The following PARD3B variants were observed in gnomAD, a reference collection of about 807,000 sequenced individuals.
The protein encoded by PARD3B is par-3 family cell polarity regulator beta, also known as partitioning defective 3 homolog B.
Under a neutral mutation model 130.2 loss-of-function variants are expected in PARD3B, and 103 were observed. The observed-to-expected ratio is 0.79, with a 90% CI of 0.67 to 0.93. The LOEUF (loss-of-function observed/expected upper bound fraction) is 0.93. Ranked by LOEUF, PARD3B falls within the 40% of genes least tolerant of loss-of-function variation. PARD3B has a pLI of 0.00. For missense variants in PARD3B, 1,609 were observed against 1,499.2 expected (o/e 1.07, Z -1.21); for synonymous variants, 583 against 553.2 (o/e 1.05, Z -0.76).
At position 205,301,686 on chromosome 2, in the gene PARD3B, T is replaced by A. The variant is rs752847803; in HGVS notation, c.2615T>A (p.Phe872Tyr). 1.9e-6 allele frequency: 3 copies of A among 1,614,046 alleles called. No individual in the cohort carries two copies. In the East Asian group the frequency reaches 6.7e-5, roughly 36 times the overall value. Residue 872 changes from phenylalanine (F) to tyrosine (Y), a missense_variant, in exon 18 of 23, where the codon TTC (phenylalanine) becomes TAC (tyrosine). Physicochemically the swap from Phe to Tyr is conservative, Grantham distance 22. Transcript: ENST00000406610. The surrounding 1 kb of genome is among the most constrained non-coding windows in gnomAD (Gnocchi z 5.2). The stretch of plus-strand genomic sequence containing the variant: ...GAAAGGAAAATAAAGAAGAAGGGCT[T>A]CGGCGCCATGCTGAGGTATGGGCCT... The part of the protein sequence containing the change: ...DPERKIKKKG[F>Y]GAMLRFGKKK...
chr2:205,565,706 T>A (rs1211054946), intron 22 of PARD3B, among the ~76,000 whole-genome samples: 3 of 152,164 alleles, frequency 2.0e-5, no homozygotes, highest in Non-Finnish European at 4.4e-5. Flanking sequence ...ACAGATGAGC[T>A]AGGAAAGTCA....
At chr2:205,303,813 C>A (rs1353291846) in intron 18 of PARD3B, among the ~76,000 whole-genome samples, 2 of 152,166 alleles carry the variant, frequency 1.3e-5, no homozygotes, top group Admixed American at 6.5e-5. Context: ...CAATTACCTC[C>A]AAATTCCCTA....
At position 205,401,032 on chromosome 2, in the gene PARD3B, G is replaced by A. The variant is rs1401603584; in HGVS notation, c.2650G>A (p.Asp884Asn). 1 of 1,600,052 alleles carries A rather than the reference G, an allele frequency of 6.2e-7. No individual in the cohort carries two copies. The change falls in exon 19 of 23, where the codon GAT becomes AAT. Residue 884 changes from aspartate to asparagine, a missense_variant. By Grantham distance (23) the Asp-to-Asn change is conservative. Coordinates refer to ENST00000406610, the MANE Select transcript of PARD3B (RefSeq NM_001302769.2). ...CACTAGATTTGGAAAGAAGAAAGAGGATAAGGGTGGAAAGGCTGAGCAGAA... is the reference window on the plus strand; with the variant it reads ...CACTAGATTTGGAAAGAAGAAAGAGAATAAGGGTGGAAAGGCTGAGCAGAA... ...AMLRFGKKKE[D>N]KGGKAEQKGT... is the part of the protein sequence containing the mutation.
chr2:204,820,305 G>A (rs1049477568), intron 2 of PARD3B, among the ~76,000 whole-genome samples: 1 of 151,294 alleles, frequency 6.6e-6, no homozygotes, highest in Non-Finnish European at 1.5e-5. Context: ...TTGAACTCCC[G>A]ACCTTAAGTG....
chr2:204,838,530 T>C (rs2044143154), intron 2 of PARD3B, among the ~76,000 whole-genome samples: 1 of 152,038 alleles, frequency 6.6e-6, no homozygotes, highest in Non-Finnish European at 1.5e-5. Flanking sequence ...AGGTTTTGAG[T>C]CAAATAAAAT....
chr2:205,344,177 G>A (rs892146604), intron 18 of PARD3B, among the ~76,000 whole-genome samples: 2 of 140,104 alleles, frequency 1.4e-5, no homozygotes, highest in Non-Finnish European at 3.1e-5. Flanking sequence ...TTGAAGGTGG[G>A]AAATGTGTCA....
intron 15 of PARD3B, among the ~76,000 whole-genome samples, chr2:205,224,243 T>C (rs6752934): frequency 0.8 from 115,555 of 145,074 alleles, 46,671 homozygotes; most frequent in East Asian, 0.95. Context: ...TGGTGGCAGG[T>C]GCCTGTAGTC....
intron 3 of PARD3B, among the ~76,000 whole-genome samples, chr2:204,966,522 G>A (rs1339926898): frequency 6.6e-6 from 1 of 152,070 alleles, no homozygotes; most frequent in Admixed American, 6.6e-5. Context: ...GGAAAATTAG[G>A]CAATAAGGGA....
At chr2:205,480,409 G>T (rs1333253443) in intron 20 of PARD3B, among the ~76,000 whole-genome samples, 1 of 152,126 alleles carries the variant, frequency 6.6e-6, no homozygotes, top group Non-Finnish European at 1.5e-5. Context: ...TCATCATATT[G>T]TATTTTAAGT....
chr2:204,927,238 C>T (rs920429947), intron 2 of PARD3B, among the ~76,000 whole-genome samples: 2 of 152,030 alleles, frequency 1.3e-5, no homozygotes, highest in Non-Finnish European at 2.9e-5. Flanking sequence ...ATCCTAACTC[C>T]TAAGGTGTTA....
intron 1 of PARD3B, among the ~76,000 whole-genome samples, chr2:204,593,013 T>G (rs2033140025): frequency 6.6e-6 from 1 of 152,246 alleles, no homozygotes; most frequent in South Asian, 2.1e-4. Flanking sequence ...CACATTTTGT[T>G]TATGCATTCA....
intron 2 of PARD3B, among the ~76,000 whole-genome samples, chr2:204,940,192 G>A (rs1179625829): frequency 6.6e-6 from 1 of 152,202 alleles, no homozygotes; most frequent in African/African-American, 2.4e-5. Context: ...AAAGTGTTTA[G>A]TGCCTTTTCC....
intron 2 of PARD3B, among the ~76,000 whole-genome samples, chr2:204,879,496 C>T (rs1341680349): frequency 6.6e-6 from 1 of 152,180 alleles, no homozygotes; most frequent in African/African-American, 2.4e-5. Context: ...ACTAACCTCA[C>T]CTCTCTGAGC....
chr2:205,481,023 T>G (rs57984774), intron 20 of PARD3B, among the ~76,000 whole-genome samples: 4,621 of 152,074 alleles, frequency 0.03, 260 homozygotes, highest in African/African-American at 0.11. Flanking sequence ...AAAGAATCTC[T>G]CTGTGAGCAC....
At chr2:204,888,730 CA>C (rs11315348) in intron 2 of PARD3B, among the ~76,000 whole-genome samples, 11,223 of 81,314 alleles carry the variant, frequency 0.14, 352 homozygotes, top group Admixed American at 0.16. Context: ...GACCCTGTCT[CA>C]AAAAAAAAAA....
At chr2:204,904,021 A>T (rs1402572147) in intron 2 of PARD3B, among the ~76,000 whole-genome samples, 2 of 152,322 alleles carry the variant, frequency 1.3e-5, no homozygotes, top group East Asian at 3.9e-4. Context: ...TATACCACAC[A>T]TAAGAGTTTT....
chr2:205,537,575 C>T (rs576584455), intron 21 of PARD3B, among the ~76,000 whole-genome samples: 6 of 152,114 alleles, frequency 3.9e-5, no homozygotes, highest in Non-Finnish European at 7.4e-5. Flanking sequence ...GTCGGCAGGG[C>T]TAAATCTGGG....
intron 20 of PARD3B, among the ~76,000 whole-genome samples, chr2:205,490,359 C>T (rs568660301): frequency 4.0e-5 from 6 of 151,616 alleles, no homozygotes; most frequent in East Asian, 1.9e-4. Flanking sequence ...CGAGAACGTG[C>T]GGTGTTTAGT....
At chr2:205,561,033 C>T (rs1283737736) in intron 22 of PARD3B, among the ~76,000 whole-genome samples, 1 of 152,166 alleles carries the variant, frequency 6.6e-6, no homozygotes, top group African/African-American at 2.4e-5. Context: ...CAGGAAGAGT[C>T]CAATCACAAG....
Sources: allele counts gnomAD v4.1 joint callset (sites outside exome capture counted in the v4.1 genomes callset), GRCh38; gene constraint gnomAD v4.1.1; non-coding constraint Gnocchi (gnomAD v3.1); transcripts MANE v1.5; gene names NCBI Gene and HGNC (gene_info 2026-07-23, HGNC 2026-07-21).